PLA2G4E: variants seen among roughly 807,000 people sequenced by gnomAD.
The protein encoded by PLA2G4E is phospholipase A2 group IVE.
A neutral mutation model predicts 109.1 loss-of-function variants in PLA2G4E; 84 were observed. The ratio of observed to expected loss-of-function variants is 0.77; its 90% CI spans 0.65 to 0.92. The LOEUF (loss-of-function observed/expected upper bound fraction) is 0.92, where lower values mean the gene tolerates loss of function less well. Ranked by LOEUF, PLA2G4E falls within the 40% of genes least tolerant of loss-of-function variation. The pLI is 0.00. For missense variants in PLA2G4E, 1,057 were observed against 1,076.6 expected, an observed-to-expected ratio of 0.98 and a Z score of 0.25; for synonymous variants, 469 against 436.1, an observed-to-expected ratio of 1.08 and a Z score of -0.94.
intron 1 of PLA2G4E, among the ~76,000 whole-genome samples, chr15:42,024,492 G>T (rs2068676365): frequency 6.6e-6 from 1 of 152,210 alleles, no homozygotes; most frequent in South Asian, 2.1e-4. Flanking sequence ...TTCAGATGGG[G>T]TGACCAGGCA....
intron 1 of PLA2G4E, among the ~76,000 whole-genome samples, chr15:42,032,282 A>G (rs932196830): frequency 6.6e-6 from 1 of 152,198 alleles, no homozygotes; most frequent in Non-Finnish European, 1.5e-5. Context: ...CTGGTGCTCT[A>G]TGTTTTGACT....
intron 1 of PLA2G4E, among the ~76,000 whole-genome samples, chr15:42,025,487 TC>T (rs1313845409): frequency 6.6e-6 from 1 of 151,850 alleles, no homozygotes; most frequent in South Asian, 2.1e-4. Context: ...CAGGCATACC[TC>T]CCCCCACCCC....
rs559266543 is a variant in PLA2G4E, at chr15:41,995,617, G to C, written c.1111-121C>G. The C allele has an allele frequency of 7.4e-6, 10 of 1,357,392 alleles. No individual in the cohort carries two copies. The East Asian group carries it at 2.4e-4, about 33-fold the overall frequency. The allele number at this position is 1,357,392 out of a possible 1,614,324, so 84.1% of individuals were successfully genotyped here. A position where few individuals can be genotyped will look rare whatever the true frequency, so the allele number is the denominator to read the frequency against. On this transcript the variant is annotated intron_variant, in intron 11 of 19. Transcript: ENST00000399518. Reference sequence around the variant, plus strand: ...GAGGCAGAGCTGGCTACAGAGGGCAGGGAGTGCGGCGTTGAGCCACCTGAC... The same window carrying C: ...GAGGCAGAGCTGGCTACAGAGGGCACGGAGTGCGGCGTTGAGCCACCTGAC...
At chr15:42,015,579 C>T (rs1244485680) in intron 1 of PLA2G4E, among the ~76,000 whole-genome samples, 1 of 152,208 alleles carries the variant, frequency 6.6e-6, no homozygotes, top group Non-Finnish European at 1.5e-5. Flanking sequence ...TGAGCACCTA[C>T]TGTGTGCCAG....
At chr15:41,985,077 C>CA (rs1038583982) in intron 18 of PLA2G4E, among the ~76,000 whole-genome samples, 2 of 152,184 alleles carry the variant, frequency 1.3e-5, no homozygotes, top group African/African-American at 4.8e-5. Flanking sequence ...TCAGAACCCC[C>CA]TCAGTTCTGC....
intron 16 of PLA2G4E, 74 bp downstream of exon 16, chr15:41,987,975 C>T (rs532093053): frequency 3.3e-5 from 32 of 973,578 alleles, no homozygotes; most frequent in South Asian, 2.5e-4. Context: ...GGGGGCCGCC[C>T]CCCATCACCC....
intron 1 of PLA2G4E, among the ~76,000 whole-genome samples, chr15:42,026,982 A>AGAAAG (rs1012509467): frequency 1.6e-4 from 24 of 151,312 alleles, no homozygotes; most frequent in Admixed American, 5.9e-4. Flanking sequence ...CAAAAAAAAA[A>AGAAAG]AAAGAAAGAA....
In PLA2G4E at chr15:42,018,180, C is replaced by T. The variant is rs528379702; in HGVS notation, c.184-4423G>A. On this transcript the variant is annotated intron_variant, in intron 1 of 19. Transcript: ENST00000399518. ...TTGCTTCTGATATAATCTGTTTGAT[C>T]AGTGTTGCTAGAGATGAGCAAAAAT... Among the ~76,000 whole-genome samples, 7 of 152,306 alleles carry T rather than the reference C, an allele frequency of 4.6e-5. No homozygotes were observed. In the East Asian group the frequency reaches 1.3e-3, roughly 29 times the overall value.
At chr15:42,031,755 A>G (rs1262395307) in intron 1 of PLA2G4E, among the ~76,000 whole-genome samples, 1 of 152,150 alleles carries the variant, frequency 6.6e-6, no homozygotes, top group African/African-American at 2.4e-5. Context: ...TCACAGGGAG[A>G]GGGAAGGGGA....
At chr15:42,029,872 C>T (rs781148347) in intron 1 of PLA2G4E, among the ~76,000 whole-genome samples, 7 of 152,312 alleles carry the variant, frequency 4.6e-5, no homozygotes, top group Non-Finnish European at 8.8e-5. Context: ...AAGACATCAT[C>T]GCTGCCCCAA....
At chr15:41,988,400 G>A (rs1398560083) in intron 15 of PLA2G4E, among the ~76,000 whole-genome samples, 1 of 152,150 alleles carries the variant, frequency 6.6e-6, no homozygotes, top group Admixed American at 6.5e-5. Flanking sequence ...AGGTGTATAA[G>A]GCACAGCCCC....
At chr15:42,033,825 G>A (rs1314518019) in intron 1 of PLA2G4E, among the ~76,000 whole-genome samples, 1 of 152,156 alleles carries the variant, frequency 6.6e-6, no homozygotes, top group Non-Finnish European at 1.5e-5. Flanking sequence ...TGGTGGGGAT[G>A]GGCTCAAGCC....
At position 42,045,429 on chromosome 15, in the gene PLA2G4E, G is replaced by C. The variant is rs534531859; in HGVS notation, c.183+5092C>G. 1.7e-3 allele frequency among the ~76,000 whole-genome samples: 266 copies of C among 152,312 alleles called. 1 individual carries two copies. The highest frequency in any genetic ancestry group is 6.0e-3 in the African/African-American group (249 of 41,564). Reference sequence around the variant, plus strand: ...TGCAAGAGATAGTAGGGAGCTGTTAGGTTCCCAGGCCAGCAGCCAGCCACC... The same window carrying C: ...TGCAAGAGATAGTAGGGAGCTGTTACGTTCCCAGGCCAGCAGCCAGCCACC... On this transcript the variant is annotated intron_variant, in intron 1 of 19. Coordinates refer to ENST00000399518, the Ensembl canonical transcript of PLA2G4E.
intron 5 of PLA2G4E, among the ~76,000 whole-genome samples, chr15:42,003,172 C>G (rs1171872858): frequency 6.6e-6 from 1 of 152,228 alleles, no homozygotes; most frequent in East Asian, 1.9e-4. Context: ...AAGTTGAGAA[C>G]ATAAGCCTCC....
At chr15:42,025,601 G>A (rs946255054) in intron 1 of PLA2G4E, among the ~76,000 whole-genome samples, 1 of 152,136 alleles carries the variant, frequency 6.6e-6, no homozygotes, top group Admixed American at 6.5e-5. Context: ...GTATGCAGGC[G>A]AAGTTTGGCA....
chr15:42,001,453 C>G (rs1324037425), intron 6 of PLA2G4E, among the ~76,000 whole-genome samples: 1 of 152,144 alleles, frequency 6.6e-6, no homozygotes, highest in African/African-American at 2.4e-5. Flanking sequence ...CTAGGACCCA[C>G]GGTCACAGTT....
chr15:42,040,975 A>T (rs4923922), intron 1 of PLA2G4E, among the ~76,000 whole-genome samples: 11,677 of 152,308 alleles, frequency 0.077, 573 homozygotes, highest in Non-Finnish European at 0.11. Flanking sequence ...AATTAAAACA[A>T]AAAAGAGATG....
exon 20 of PLA2G4E, chr15:41,982,807 A>G (rs1043110755): frequency 5.3e-5 from 8 of 152,210 alleles, no homozygotes; most frequent in African/African-American, 1.9e-4. Flanking sequence ...TCATGATGAC[A>G]TGGATCACCA....
intron 1 of PLA2G4E, among the ~76,000 whole-genome samples, chr15:42,050,135 T>C (rs986741731): frequency 5.9e-5 from 9 of 152,240 alleles, no homozygotes; most frequent in African/African-American, 2.2e-4. Flanking sequence ...CATGGTCTTG[T>C]TCACTCTTCT....
Sources: allele counts gnomAD v4.1 joint callset (sites outside exome capture counted in the v4.1 genomes callset), GRCh38; gene constraint gnomAD v4.1.1; transcripts MANE v1.5; gene names NCBI Gene and HGNC (gene_info 2026-07-23, HGNC 2026-07-21).